MRTFB: variants seen among roughly 807,000 people sequenced by gnomAD.
MRTFB encodes the protein myocardin-related transcription factor B.
Under a neutral mutation model 104.2 loss-of-function variants are expected in MRTFB, and 29 were observed. The observed-to-expected ratio is 0.28, with a 90% CI of 0.21 to 0.38. MRTFB has a LOEUF of 0.38. MRTFB is among the 10% of genes least tolerant of loss of function. MRTFB has a pLI of 1.00. For synonymous variants in MRTFB, 535 were observed against 519.5 expected (o/e 1.03, Z -0.41); for missense variants, 1,270 against 1,341.6 (o/e 0.95, Z 0.83).
intron 3 of MRTFB, among the ~76,000 whole-genome samples, chr16:14,156,786 A>G (rs2038844569): frequency 6.6e-6 from 1 of 152,208 alleles, no homozygotes; most frequent in Admixed American, 6.5e-5. Context: ...AACTTGGCAA[A>G]AGATTCAGCC....
the MRTFB span, among the ~76,000 whole-genome samples, chr16:14,039,779 T>A: frequency 1.4e-5 from 1 of 73,890 alleles, no homozygotes; most frequent in Non-Finnish European, 3.1e-5. Context: ...TTTTTTTTTT[T>A]ATCTTTTTGC....
the MRTFB span, among the ~76,000 whole-genome samples, chr16:13,995,557 G>A: frequency 6.6e-6 from 1 of 152,214 alleles, no homozygotes; most frequent in African/African-American, 2.4e-5. Context: ...GTATATTGAA[G>A]TGTATCAGTC....
At chr16:13,995,703 A>G in the MRTFB span, among the ~76,000 whole-genome samples, 1 of 152,178 alleles carries the variant, frequency 6.6e-6, no homozygotes, top group African/African-American at 2.4e-5. Context: ...ATCACAGCAG[A>G]AGGTGAAGGG....
In MRTFB at chr16:14,246,770, C is replaced by T; in HGVS notation, c.1510C>T (p.Pro504Ser). The change falls in exon 12 of 17, where the codon CCC becomes TCC. Residue 504 changes from proline (P) to serine (S), a missense_variant. Physicochemically the swap from Pro to Ser is moderately conservative, Grantham distance 74. Coordinates refer to ENST00000571589, the MANE Select transcript of MRTFB (RefSeq NM_001308142.2). ...TRVENVHSPL[P>S]ISPSPSEQSS... ...TGTGGAAAATGTTCATTCCCCTCTG[C>T]CCATTTCACCATCTCCCTCCGAACA... 1 of 1,614,040 alleles carries T rather than the reference C, an allele frequency of 6.2e-7. No individual in the cohort carries two copies. The highest frequency in any genetic ancestry group is 2.2e-5 in the East Asian group (1 of 44,886).
At chr16:14,217,049 G>T in intron 6 of MRTFB, 77 bp from the exon 7 acceptor site, 1 of 1,421,518 alleles carries the variant, frequency 7.0e-7, no homozygotes, top group South Asian at 1.7e-5. Context: ...TTTAAATTCA[G>T]TTTGTTGGCC....
the MRTFB span, among the ~76,000 whole-genome samples, chr16:14,024,931 G>A: frequency 5.3e-5 from 8 of 152,276 alleles, no homozygotes; most frequent in South Asian, 1.7e-3. Context: ...AAGGTCCCCA[G>A]TGGAGCTCGG....
intron 2 of MRTFB, among the ~76,000 whole-genome samples, chr16:14,118,128 T>A (rs957894255): frequency 6.7e-6 from 1 of 149,706 alleles, no homozygotes; most frequent in South Asian, 2.1e-4. Flanking sequence ...ATCTTTTTTT[T>A]TTTTTTTCTT....
chr16:14,227,782 T>G (rs1165534135), intron 8 of MRTFB, among the ~76,000 whole-genome samples: 1 of 152,114 alleles, frequency 6.6e-6, no homozygotes, highest in Non-Finnish European at 1.5e-5. Context: ...AGTGCTGGGA[T>G]TACAGGAGGG....
intron 3 of MRTFB, among the ~76,000 whole-genome samples, chr16:14,184,906 G>A (rs183652239): frequency 9.8e-5 from 15 of 152,312 alleles, no homozygotes; most frequent in Non-Finnish European, 1.6e-4. Flanking sequence ...GAGTCTTGGC[G>A]TGTAAAATGT....
At chr16:14,190,978 T>A (rs939308484) in intron 3 of MRTFB, among the ~76,000 whole-genome samples, 1 of 152,208 alleles carries the variant, frequency 6.6e-6, no homozygotes, top group African/African-American at 2.4e-5. Context: ...CATACTGTAC[T>A]GGGATGTGTC....
rs1312222615 is a variant in MRTFB at position 14,124,053 on chromosome 16, G to T, written c.-63-16491G>T. Among the ~76,000 whole-genome samples, 4 of 152,168 alleles carry T rather than the reference G, an allele frequency of 2.6e-5. No individual in the cohort carries two copies. In the East Asian group the frequency reaches 5.8e-4, roughly 22 times the overall value. ...CAATTGTGAATGGGAGTTCACTCAT[G>T]ATTTGGCTCTCTGTCTGTTATTGGT... On this transcript the variant is annotated intron_variant, in intron 2 of 16. Coordinates refer to ENST00000571589, the MANE Select transcript of MRTFB (RefSeq NM_001308142.2).
At chr16:14,001,836 C>G in the MRTFB span, among the ~76,000 whole-genome samples, 1 of 152,218 alleles carries the variant, frequency 6.6e-6, no homozygotes, top group South Asian at 2.1e-4. Flanking sequence ...CCTGGGGAAC[C>G]CACTTCGCTG....
chr16:14,240,468 C>A lies in MRTFB; in HGVS notation c.1063C>A (p.Leu355Met). 8.1e-6 allele frequency: 13 copies of A among 1,614,232 alleles called. No homozygotes were observed. The highest frequency in any genetic ancestry group is 1.1e-5 in the Non-Finnish European group (13 of 1,180,038). Reference protein sequence around the residue: ...QKQHYNYQTILPAPFKPLNDK... With the variant: ...QKQHYNYQTIMPAPFKPLNDK... ...GCAGCACTACAACTACCAGACCATCCTGCCTGCACCATTCAAGTACGGCGG... is the reference window on the plus strand; with the variant it reads ...GCAGCACTACAACTACCAGACCATCATGCCTGCACCATTCAAGTACGGCGG... Residue 355 changes from leucine to methionine, a missense_variant, in exon 10 of 17, where the codon CTG becomes ATG. Leu to Met is a conservative substitution (Grantham distance 15). This residue lies in a region of MRTFB where 1,144 missense variants were observed against 1,131.5 expected (regional missense o/e 1.01). Transcript: ENST00000571589.
chr16:14,084,123 G>T (rs997661698), intron 2 of MRTFB, among the ~76,000 whole-genome samples: 1 of 152,086 alleles, frequency 6.6e-6, no homozygotes, highest in Non-Finnish European at 1.5e-5. Context: ...TATTGCCTTC[G>T]TTAACTCATT....
chr16:14,146,538 C>T lies in MRTFB; in HGVS notation c.154+5778C>T, dbSNP rs923709359. Reference sequence around the variant, plus strand: ...ATAATTTATTCAGAAGTTTGCTGCACACAAGAGAACCCAAGATGGCTCTTT... The same window carrying T: ...ATAATTTATTCAGAAGTTTGCTGCATACAAGAGAACCCAAGATGGCTCTTT... On this transcript the variant is annotated intron_variant, in intron 3 of 16. Coordinates refer to ENST00000571589, the MANE Select transcript of MRTFB (RefSeq NM_001308142.2). 1.4e-4 allele frequency among the ~76,000 whole-genome samples: 21 copies of T among 152,262 alleles called. No individual in the cohort carries two copies. In the East Asian group the frequency reaches 3.3e-3, roughly 24 times the overall value.
chr16:14,020,499 A>G, the MRTFB span: 2 of 152,174 alleles, frequency 1.3e-5, no homozygotes, highest in Non-Finnish European at 2.9e-5. Context: ...TGAAAATTCA[A>G]AGACCATCGC....
chr16:14,180,546 A>G (rs1329406552), intron 3 of MRTFB, among the ~76,000 whole-genome samples: 1 of 152,196 alleles, frequency 6.6e-6, no homozygotes, highest in Non-Finnish European at 1.5e-5. Flanking sequence ...GAGCAGGAAG[A>G]GACAAATGGC....
intron 3 of MRTFB, chr16:14,186,719 A>T (rs1405733985): frequency 3.5e-6 from 5 of 1,418,312 alleles, no homozygotes; most frequent in Non-Finnish European, 4.6e-6. Flanking sequence ...GCATGAGTGT[A>T]TTTGCAGGTC....
At chr16:14,126,675 C>T (rs192714303) in intron 2 of MRTFB, among the ~76,000 whole-genome samples, 4 of 152,298 alleles carry the variant, frequency 2.6e-5, no homozygotes, top group South Asian at 2.1e-4. Context: ...CTCTTCAATT[C>T]TCCCATCAAT....
Sources: gnomAD v4.1 joint callset for allele counts (sites outside exome capture counted in the v4.1 genomes callset) on GRCh38, gnomAD v4.1.1 for gene constraint, gnomAD v4.1.1 regional missense constraint, MANE v1.5 for transcripts, NCBI Gene and HGNC (gene_info 2026-07-23, HGNC 2026-07-21) for gene names.